CACNB4: variants seen among roughly 807,000 people sequenced by gnomAD.
CACNB4 encodes voltage-dependent L-type calcium channel subunit beta-4.
Under a neutral mutation model 71.2 loss-of-function variants are expected in CACNB4, and 32 were observed. That is an observed-to-expected ratio of 0.45 (90% CI 0.34 to 0.60). The LOEUF is 0.60. CACNB4 is among the 20% of genes least tolerant of loss of function. The pLI is 0.01. For missense variants in CACNB4, 464 were observed against 647.9 expected, an observed-to-expected ratio of 0.72 and a Z score of 3.08; for synonymous variants, 231 against 236.9, an observed-to-expected ratio of 0.97 and a Z score of 0.23.
intron 9 of CACNB4, chr2:151,861,159 T>C (rs16830427): frequency 0.046 from 9,710 of 209,036 alleles, 387 homozygotes; most frequent in African/African-American, 0.12. Flanking sequence ...TTCTAGGAAG[T>C]AGCAATACAA....
At chr2:151,875,345 G>A (rs1451851152) in intron 5 of CACNB4, among the ~76,000 whole-genome samples, 2 of 149,458 alleles carry the variant, frequency 1.3e-5, no homozygotes, top group East Asian at 2.0e-4. Context: ...CAAGGCAGAA[G>A]AATTTTTCTT....
rs556980808 is a variant in CACNB4 at position 151,976,213 on chromosome 2, C to G, written c.148-92843G>C. 4.6e-5 allele frequency among the ~76,000 whole-genome samples: 7 copies of G among 152,176 alleles called. 1 individual carries two copies. Among genetic ancestry groups the G allele is most frequent in the African/African-American group, 1.7e-4 (7 of 41,442 alleles). On this transcript the variant is annotated intron_variant, in intron 2 of 13. Transcript: ENST00000539935. ...TGAAGGGGCAGGCTCTGCCTGCTTTCCAGGAAGTCAGAAATGTGCTGGACT... is the reference window on the plus strand; with the variant it reads ...TGAAGGGGCAGGCTCTGCCTGCTTTGCAGGAAGTCAGAAATGTGCTGGACT...
At chr2:151,912,220 G>C (rs2099856353) in intron 2 of CACNB4, among the ~76,000 whole-genome samples, 2 of 151,810 alleles carry the variant, frequency 1.3e-5, no homozygotes, top group South Asian at 4.2e-4. Flanking sequence ...TTTTGGATTA[G>C]CTTGCTCTTG....
chr2:151,998,148 C>A (rs1682172949), intron 2 of CACNB4, among the ~76,000 whole-genome samples: 1 of 151,708 alleles, frequency 6.6e-6, no homozygotes, highest in South Asian at 2.1e-4. Flanking sequence ...CATGGTGAAC[C>A]CCTGTCTCTA....
At chr2:152,068,285 G>C (rs1686461317) in intron 2 of CACNB4, among the ~76,000 whole-genome samples, 1 of 152,122 alleles carries the variant, frequency 6.6e-6, no homozygotes, top group Non-Finnish European at 1.5e-5. Flanking sequence ...CCCTTGCCTA[G>C]AGACCCTGCA....
At chr2:151,933,453 C>G (rs1173383309) in intron 2 of CACNB4, among the ~76,000 whole-genome samples, 4 of 151,942 alleles carry the variant, frequency 2.6e-5, no homozygotes, top group African/African-American at 9.7e-5. Flanking sequence ...TTTATATATG[C>G]CTCACCACAA....
chr2:151,954,666 G>C (rs564168790), intron 2 of CACNB4, among the ~76,000 whole-genome samples: 8 of 152,136 alleles, frequency 5.3e-5, no homozygotes, highest in African/African-American at 1.9e-4. Flanking sequence ...TAATAATACA[G>C]TCACTAAATT....
chr2:151,882,348 A>G (rs931573276), intron 3 of CACNB4, among the ~76,000 whole-genome samples: 27 of 151,824 alleles, frequency 1.8e-4, no homozygotes, highest in Admixed American at 1.4e-3. Context: ...GCCACCATGC[A>G]CAGCCTCTCA....
At chr2:151,934,652 C>T (rs1400151987) in intron 2 of CACNB4, among the ~76,000 whole-genome samples, 1 of 152,144 alleles carries the variant, frequency 6.6e-6, no homozygotes, top group Non-Finnish European at 1.5e-5. Context: ...TCCTTGCCAA[C>T]ATGGTGAAAC....
At chr2:152,014,785 A>C (rs1399456775) in intron 2 of CACNB4, among the ~76,000 whole-genome samples, 1 of 152,158 alleles carries the variant, frequency 6.6e-6, no homozygotes, top group Non-Finnish European at 1.5e-5. Context: ...TCTTAAAAAA[A>C]AGTCTTGTTG....
chr2:152,044,039 C>A (rs1272194097), intron 2 of CACNB4, among the ~76,000 whole-genome samples: 1 of 152,018 alleles, frequency 6.6e-6, no homozygotes, highest in Non-Finnish European at 1.5e-5. Flanking sequence ...GACCCTGTCT[C>A]TTAAAAATTT....
chr2:152,035,651 C>CTCTATA (rs796161186), intron 2 of CACNB4, among the ~76,000 whole-genome samples: 3,186 of 117,990 alleles, frequency 0.027, 91 homozygotes, highest in South Asian at 0.036. Flanking sequence ...CTCTCTCTCT[C>CTCTATA]TATATATATA....
At chr2:152,006,403 T>TC (rs1682727530) in intron 2 of CACNB4, among the ~76,000 whole-genome samples, 1 of 148,878 alleles carries the variant, frequency 6.7e-6, no homozygotes, top group Non-Finnish European at 1.5e-5. Context: ...TTTTCTTTCT[T>TC]TTTTTTTTTT....
chr2:151,902,148 C>G (rs930650050), intron 2 of CACNB4, among the ~76,000 whole-genome samples: 27 of 151,130 alleles, frequency 1.8e-4, no homozygotes, highest in African/African-American at 6.3e-4. Flanking sequence ...GATCCTCTCA[C>G]CTAAACTTTT....
chr2:152,002,080 T>C (rs1682456125), intron 2 of CACNB4, among the ~76,000 whole-genome samples: 1 of 152,244 alleles, frequency 6.6e-6, no homozygotes, highest in African/African-American at 2.4e-5. Flanking sequence ...CCTTTCCGTG[T>C]GTGCTTCAGG....
chr2:151,911,311 T>C (rs2099856101), intron 2 of CACNB4, among the ~76,000 whole-genome samples: 2 of 152,202 alleles, frequency 1.3e-5, no homozygotes, highest in African/African-American at 4.8e-5. Flanking sequence ...CTTGCCTGAT[T>C]GCCCTGGCCA....
intron 2 of CACNB4, among the ~76,000 whole-genome samples, chr2:152,068,842 G>A (rs1686495155): frequency 6.6e-6 from 1 of 152,206 alleles, no homozygotes; most frequent in Admixed American, 6.5e-5. Context: ...GTGAACTGAT[G>A]AAAGAGATGT....
At chr2:151,870,305 G>C in intron 8 of CACNB4, 1 of 703,258 alleles carries the variant, frequency 1.4e-6, no homozygotes, top group Non-Finnish European at 2.6e-6. Context: ...TATTTTGAGG[G>C]AGGTATTTCT....
At chr2:151,903,756 C>G (rs961779875) in intron 2 of CACNB4, among the ~76,000 whole-genome samples, 9 of 152,222 alleles carry the variant, frequency 5.9e-5, no homozygotes, top group Admixed American at 2.0e-4. Flanking sequence ...ACTCTGAAAG[C>G]TCCCTGCTCT....
Sources: allele counts gnomAD v4.1 joint callset (sites outside exome capture counted in the v4.1 genomes callset), GRCh38; gene constraint gnomAD v4.1.1; transcripts MANE v1.5; gene names NCBI Gene and HGNC (gene_info 2026-07-23, HGNC 2026-07-21).